C10orf90: variants seen among roughly 807,000 people sequenced by gnomAD.
The protein encoded by C10orf90 is chromosome 10 open reading frame 90.
In C10orf90, 56 loss-of-function variants were observed where a neutral mutation model predicts 62.5. The observed-to-expected ratio is 0.90, with a 90% confidence interval of 0.72 to 1.12. The LOEUF (loss-of-function observed/expected upper bound fraction) is 1.12. C10orf90 is among the 50% of genes most tolerant of loss of function. The pLI is 0.00. For missense variants in C10orf90, 970 were observed against 880.4 expected (o/e 1.10, Z -1.29); for synonymous variants, 386 against 340.4 (o/e 1.13, Z -1.47).
chr10:126,477,492 T>C (rs1040480000), intron 4 of C10orf90, among the ~76,000 whole-genome samples: 1 of 152,142 alleles, frequency 6.6e-6, no homozygotes, highest in Non-Finnish European at 1.5e-5. Context: ...CAAAGAAATC[T>C]TTTTTAGAGC....
intron 2 of C10orf90, among the ~76,000 whole-genome samples, chr10:126,570,293 GT>G (rs1364899488): frequency 1.3e-5 from 2 of 152,186 alleles, no homozygotes; most frequent in Non-Finnish European, 2.9e-5. Flanking sequence ...ATTTTCAACA[GT>G]GCTGGCACAC....
At chr10:126,608,628 T>C (rs1040729191) in intron 2 of C10orf90, among the ~76,000 whole-genome samples, 9 of 152,340 alleles carry the variant, frequency 5.9e-5, no homozygotes, top group Non-Finnish European at 1.0e-4. Flanking sequence ...TTTCTTCATA[T>C]ATTTCAATCC....
At chr10:126,575,166 AAAAT>A (rs370606087) in intron 2 of C10orf90, among the ~76,000 whole-genome samples, 341 of 152,204 alleles carry the variant, frequency 2.2e-3, no homozygotes, top group African/African-American at 7.8e-3. Flanking sequence ...TTCGGCAAGA[AAAAT>A]AAATAAAGGG....
Position 126,611,498 on chromosome 10 carries a change from T to C in C10orf90, c.313+35067A>G, listed in dbSNP as rs140562731. On this transcript the variant is annotated intron_variant, in intron 2 of 9. Transcript: ENST00000488181. ...AGTTTTATGTGAACATATGTTTTTG[T>C]TTCTCTTGGATGGAGTTGCCAGGTC... 9.5e-4 allele frequency among the ~76,000 whole-genome samples: 145 copies of C among 152,350 alleles called. 1 individual carries two copies. The highest frequency in any genetic ancestry group is 3.3e-3 in the African/African-American group (136 of 41,582).
intron 7 of C10orf90, 111 bp downstream of exon 7, chr10:126,458,929 T>G: frequency 8.5e-7 from 1 of 1,173,374 alleles, no homozygotes; most frequent in Non-Finnish European, 1.2e-6. Flanking sequence ...TAACAGGTTC[T>G]GCGTATGTCA....
chr10:126,555,080 G>C (rs907977362), intron 2 of C10orf90, among the ~76,000 whole-genome samples: 3 of 152,120 alleles, frequency 2.0e-5, no homozygotes, highest in Admixed American at 1.3e-4. Context: ...CAGAGATGTG[G>C]CGTCTGCACA....
chr10:126,435,385 G>A (rs1355931617), intron 7 of C10orf90, among the ~76,000 whole-genome samples: 3 of 152,218 alleles, frequency 2.0e-5, no homozygotes, highest in Non-Finnish European at 4.4e-5. Flanking sequence ...TCATTCTCTT[G>A]CACACAGAGA....
chr10:126,585,006 A>T (rs1844831696), intron 2 of C10orf90, among the ~76,000 whole-genome samples: 1 of 152,030 alleles, frequency 6.6e-6, no homozygotes, highest in Non-Finnish European at 1.5e-5. Flanking sequence ...GAGTCTAAGC[A>T]GGAGAGCTAC....
chr10:126,445,715 G>A (rs1858721058), intron 7 of C10orf90, among the ~76,000 whole-genome samples: 1 of 151,442 alleles, frequency 6.6e-6, no homozygotes, highest in Non-Finnish European at 1.5e-5. Flanking sequence ...ACTTGCACAT[G>A]CATGTTTATA....
chr10:126,642,923 C>T (rs1487326810), intron 2 of C10orf90, among the ~76,000 whole-genome samples: 3 of 152,138 alleles, frequency 2.0e-5, no homozygotes, highest in African/African-American at 7.2e-5. Context: ...AATGACAGCA[C>T]TATCTATCCA....
chr10:126,477,437 A>G (rs939728430), intron 4 of C10orf90, among the ~76,000 whole-genome samples: 2 of 152,050 alleles, frequency 1.3e-5, no homozygotes, highest in African/African-American at 4.8e-5. Context: ...CTCTGGGTCT[A>G]CGTGGTACCT....
rs922922778 is a variant in C10orf90 at position 126,456,234 on chromosome 10, C to T, written c.2188+2806G>A. ...CCTTAAACATTTCTTCTCACTTGCC[C>T]GAGCTTGTATGAGGCTCTGGTTTCA... On this transcript the variant is annotated intron_variant, in intron 7 of 9. Transcript: ENST00000488181. This position sits in a 1 kb window ranked among gnomAD's most constrained non-coding sequence, Gnocchi z 4.9. Among the ~76,000 whole-genome samples the T allele has an allele frequency of 5.9e-5, 9 of 152,204 alleles. No homozygotes were observed. Among genetic ancestry groups the T allele is most frequent in the Non-Finnish European group, 8.8e-5 (6 of 68,036 alleles).
chr10:126,498,204 T>C (rs963112953), intron 4 of C10orf90, among the ~76,000 whole-genome samples: 2 of 151,996 alleles, frequency 1.3e-5, no homozygotes, highest in African/African-American at 4.8e-5. Context: ...CCTGGAGGGG[T>C]TAGGCACATG....
intron 6 of C10orf90, among the ~76,000 whole-genome samples, chr10:126,460,782 T>C (rs889071732): frequency 6.6e-6 from 1 of 152,130 alleles, no homozygotes; most frequent in Non-Finnish European, 1.5e-5. Flanking sequence ...TGCAGGGAGA[T>C]TTGCAACCTT....
At chr10:126,588,435 G>A (rs995426839) in intron 2 of C10orf90, among the ~76,000 whole-genome samples, 26 of 152,132 alleles carry the variant, frequency 1.7e-4, no homozygotes, top group Admixed American at 9.8e-4. Flanking sequence ...TGTTCCAGCC[G>A]GCATCAGATT....
At chr10:126,602,667 G>T (rs1056772307) in intron 2 of C10orf90, among the ~76,000 whole-genome samples, 8 of 151,982 alleles carry the variant, frequency 5.3e-5, no homozygotes, top group Non-Finnish European at 2.9e-5. Flanking sequence ...AAGCTCATTT[G>T]CTCTGATAGT....
chr10:126,631,149 C>T (rs1845843089), intron 2 of C10orf90, among the ~76,000 whole-genome samples: 1 of 152,210 alleles, frequency 6.6e-6, no homozygotes, highest in South Asian at 2.1e-4. Context: ...ACAGTCTTCT[C>T]ACAAAGCAAA....
chr10:126,525,574 G>T (rs1863914486), intron 2 of C10orf90, among the ~76,000 whole-genome samples: 1 of 152,162 alleles, frequency 6.6e-6, no homozygotes, highest in Non-Finnish European at 1.5e-5. Context: ...GAAAGCCCAA[G>T]TTGTAAATCT....
chr10:126,603,481 T>C lies in C10orf90; in HGVS notation c.313+43084A>G, dbSNP rs143750525. Among the ~76,000 whole-genome samples, 1,104 of 152,204 alleles carry C rather than the reference T, an allele frequency of 7.3e-3. 7 individuals are homozygous for C. The highest frequency in any genetic ancestry group is 0.012 in the Non-Finnish European group (805 of 67,998). ...GGGAATTACAATTCAAGATGAGATT[T>C]GGTGGGGACACAGCCAAACCATATC... On this transcript the variant is annotated intron_variant, in intron 2 of 9. Coordinates refer to ENST00000488181, the MANE Select transcript of C10orf90 (RefSeq NM_001350921.2).
Sources: allele counts gnomAD v4.1 joint callset (sites outside exome capture counted in the v4.1 genomes callset), GRCh38; gene constraint gnomAD v4.1.1; non-coding constraint Gnocchi (gnomAD v3.1); transcripts MANE v1.5; gene names NCBI Gene and HGNC (gene_info 2026-07-23, HGNC 2026-07-21).